RUNX1: variants seen among roughly 807,000 people sequenced by gnomAD.
The protein encoded by RUNX1 is runt-related transcription factor 1.
Under a neutral mutation model 42.8 loss-of-function variants are expected in RUNX1, and 19 were observed. That is an observed-to-expected ratio of 0.44 (90% CI 0.31 to 0.65). The LOEUF is 0.65. Ranked by LOEUF, RUNX1 falls within the 30% of genes least tolerant of loss-of-function variation. The probability of loss-of-function intolerance (pLI) is 0.07; values close to 1 mark genes in which losing one functional copy is unlikely to be tolerated. For synonymous variants in RUNX1, 271 were observed against 289.4 expected (o/e 0.94, Z 0.64); for missense variants, 528 against 672.0 (o/e 0.79, Z 2.37).
chr21:35,041,494 C>T (rs972822569), intron 2 of RUNX1, among the ~76,000 whole-genome samples: 2 of 152,014 alleles, frequency 1.3e-5, no homozygotes, highest in Non-Finnish European at 2.9e-5. Flanking sequence ...TGGACCATGG[C>T]ATGGGAGGGC....
Position 34,998,956 on chromosome 21 carries a change from C to A in RUNX1, c.58+49886G>T, listed in dbSNP as rs138120481. Among the ~76,000 whole-genome samples, 23 of 152,350 alleles carry A rather than the reference C, an allele frequency of 1.5e-4. No homozygotes were observed. In the East Asian group the frequency reaches 2.3e-3, roughly 15 times the overall value. ...AGCAAAACCATTCTCTTTGAAGGAG[C>A]CAGCCTAGACTGCTCTATCCCACCA... On this transcript the variant is annotated intron_variant, in intron 2 of 8. Transcript: ENST00000675419.
chr21:34,940,641 T>C (rs995306610), intron 2 of RUNX1, among the ~76,000 whole-genome samples: 6 of 152,246 alleles, frequency 3.9e-5, no homozygotes, highest in Non-Finnish European at 8.8e-5. Context: ...ATCAGCTACA[T>C]TGAGTTTTAT....
intron 6 of RUNX1, among the ~76,000 whole-genome samples, chr21:34,836,385 C>T (rs1043734318): frequency 2.0e-5 from 3 of 152,170 alleles, no homozygotes; most frequent in Non-Finnish European, 2.9e-5. Flanking sequence ...TTTTCTAGAG[C>T]GCTCTGTGTT....
rs1230480331 is a variant in RUNX1, at chr21:34,791,893, C to T, written c.*242G>A. 3.3e-5 allele frequency: 9 copies of T among 275,322 alleles called. No homozygotes were observed. The highest frequency in any genetic ancestry group is 2.7e-4 in the South Asian group (3 of 10,928). The allele number at this position is 275,322 out of a possible 1,614,324, so 17.1% of individuals were successfully genotyped here. On this transcript the variant is annotated 3_prime_UTR_variant, in exon 9 of 9. Coordinates refer to ENST00000675419, the MANE Select transcript of RUNX1 (RefSeq NM_001754.5). Reference sequence around the variant, plus strand: ...GCCGGCGGACACCCTCGAGGTGCGTCGCCTCGGACACCTCCGCGAGGGCCG... The same window carrying T: ...GCCGGCGGACACCCTCGAGGTGCGTTGCCTCGGACACCTCCGCGAGGGCCG...
Position 34,873,023 on chromosome 21 carries a change from T to C in RUNX1, c.508+7534A>G, listed in dbSNP as rs2057762308. On this transcript the variant is annotated intron_variant, in intron 5 of 8. Transcript: ENST00000675419. The stretch of plus-strand genomic sequence containing the variant: ...TGTCCTAGGTACTAGAGACACACCA[T>C]TTAAAGAGGCAGACAAAGCCTTATT... 2.6e-5 allele frequency among the ~76,000 whole-genome samples: 4 copies of C among 152,188 alleles called. No homozygotes were observed. The South Asian group carries it at 6.2e-4, about 24-fold the overall frequency.
rs150978735 is a variant in RUNX1, at chr21:34,969,765, C to CAAAAA, written c.59-76807_59-76803dup. Among the ~76,000 whole-genome samples, 172 of 124,702 alleles carry CAAAAA rather than the reference C, an allele frequency of 1.4e-3. 1 individual carries two copies. The highest frequency in any genetic ancestry group is 4.8e-3 in the African/African-American group (159 of 32,816). The allele number at this position is 124,702 out of a possible 152,430, so 81.8% of individuals were successfully genotyped here. On this transcript the variant is annotated intron_variant, in intron 2 of 8. Coordinates refer to ENST00000675419, the MANE Select transcript of RUNX1 (RefSeq NM_001754.5). ...ATTTACAGCGCTTTATCAGTTAAAG[C>CAAAAA]AAAAAAAAAACAAAGGCCAGGCAGA... is the stretch of plus-strand genomic sequence containing the variant.
chr21:34,860,171 T>C (rs1471018060), intron 5 of RUNX1, among the ~76,000 whole-genome samples: 1 of 152,234 alleles, frequency 6.6e-6, no homozygotes, highest in Non-Finnish European at 1.5e-5. Flanking sequence ...GACTCATAAA[T>C]GGACTTAAGT....
chr21:35,012,869 A>C (rs1217263115), intron 2 of RUNX1, among the ~76,000 whole-genome samples: 1 of 152,242 alleles, frequency 6.6e-6, no homozygotes, highest in East Asian at 1.9e-4. Flanking sequence ...AATGTCAGAC[A>C]ATAAATATTT....
At position 34,843,273 on chromosome 21, in the gene RUNX1, A is replaced by G. The variant is rs1386205522; in HGVS notation, c.614-8672T>C. ...TATAAATACACACAGACACATGTAC[A>G]TACGTCACACAGACACATATATTAA... On this transcript the variant is annotated intron_variant, in intron 6 of 8. Transcript: ENST00000675419. The surrounding 1 kb of genome is among the most constrained non-coding windows in gnomAD (Gnocchi z 4.8). Among the ~76,000 whole-genome samples the G allele has an allele frequency of 6.6e-6, 1 of 152,114 alleles. No homozygotes were observed.
intron 2 of RUNX1, among the ~76,000 whole-genome samples, chr21:35,015,265 T>A (rs1011770976): frequency 2.6e-5 from 4 of 152,190 alleles, no homozygotes; most frequent in Non-Finnish European, 5.9e-5. Context: ...TTAAACTTGG[T>A]AATATATGGG....
At chr21:35,022,968 A>G (rs542582970) in intron 2 of RUNX1, among the ~76,000 whole-genome samples, 10 of 151,076 alleles carry the variant, frequency 6.6e-5, no homozygotes, top group Non-Finnish European at 1.5e-4. Flanking sequence ...TTTTTGAGAC[A>G]AGGTCTTGCT....
In RUNX1 at chr21:34,788,351, A is replaced by G. The variant is rs2056393790; in HGVS notation, c.*3784T>C. ...ATCCAGAATAACACAAATAACCAAC[A>G]GTTCTTTTTCTTTTTTTGCACATTC... On this transcript the variant is annotated 3_prime_UTR_variant, in exon 9 of 9. Transcript: ENST00000675419. 1 of 233,546 alleles carries G rather than the reference A, an allele frequency of 4.3e-6. No individual in the cohort carries two copies. The allele number at this position is 233,546 out of a possible 1,614,324, so 14.5% of individuals were successfully genotyped here.
chr21:35,035,807 G>C (rs1405161409), intron 2 of RUNX1, among the ~76,000 whole-genome samples: 1 of 152,178 alleles, frequency 6.6e-6, no homozygotes, highest in Non-Finnish European at 1.5e-5. Context: ...GGCTGTCCAG[G>C]CTCACTGCAG....
At chr21:34,964,487 CA>C (rs58388110) in intron 2 of RUNX1, among the ~76,000 whole-genome samples, 62,140 of 119,018 alleles carry the variant, frequency 0.52, 13,954 homozygotes, top group Admixed American at 0.58. Context: ...GACTCCATCT[CA>C]AAAAAAAAAA....
rs996325702 is a variant in RUNX1, at chr21:34,788,818, C to G, written c.*3317G>C. 4.3e-6 allele frequency: 1 copy of G among 233,414 alleles called. No individual in the cohort carries two copies. The highest frequency in any genetic ancestry group is 8.5e-6 in the Non-Finnish European group (1 of 118,044). The allele number at this position is 233,414 out of a possible 1,614,324, so 14.5% of individuals were successfully genotyped here. ...AAAATATGTTTTGTGAGATTATTGTCAAACAAATTTTCATGTATAAAAGAC... is the reference window on the plus strand; with the variant it reads ...AAAATATGTTTTGTGAGATTATTGTGAAACAAATTTTCATGTATAAAAGAC... On this transcript the variant is annotated 3_prime_UTR_variant, in exon 9 of 9. Coordinates refer to ENST00000675419, the MANE Select transcript of RUNX1 (RefSeq NM_001754.5).
intron 2 of RUNX1, among the ~76,000 whole-genome samples, chr21:34,921,307 C>T (rs574268659): frequency 1.3e-5 from 2 of 152,300 alleles, no homozygotes; most frequent in South Asian, 4.1e-4. Flanking sequence ...TTTCCCCCTC[C>T]CCCACAGCCT....
intron 2 of RUNX1, among the ~76,000 whole-genome samples, chr21:34,936,814 ATCT>A (rs1296508947): frequency 6.6e-6 from 1 of 152,196 alleles, no homozygotes; most frequent in Non-Finnish European, 1.5e-5. Flanking sequence ...AACATATAAC[ATCT>A]TCTGTAATTT....
intron 2 of RUNX1, among the ~76,000 whole-genome samples, chr21:35,027,198 C>T (rs1601687952): frequency 6.6e-6 from 1 of 152,224 alleles, no homozygotes; most frequent in African/African-American, 2.4e-5. Flanking sequence ...ACTGATTCCA[C>T]TACCCCATCT....
intron 7 of RUNX1, among the ~76,000 whole-genome samples, chr21:34,826,837 TTAC>T (rs760763464): frequency 6.6e-6 from 1 of 152,198 alleles, no homozygotes; most frequent in Non-Finnish European, 1.5e-5. Flanking sequence ...TGTGGGGTTG[TTAC>T]TACAACAAAT....
Sources: allele counts gnomAD v4.1 joint callset (sites outside exome capture counted in the v4.1 genomes callset), GRCh38; gene constraint gnomAD v4.1.1; non-coding constraint Gnocchi (gnomAD v3.1); transcripts MANE v1.5; gene names NCBI Gene and HGNC (gene_info 2026-07-23, HGNC 2026-07-21).